DMXL1: variants seen among roughly 807,000 people sequenced by gnomAD.
DMXL1 encodes Dmx like 1.
DMXL1 carries 99 observed loss-of-function variants against 319.2 expected under a neutral mutation model. That is an observed-to-expected ratio of 0.31 (90% CI 0.26 to 0.37). The LOEUF (loss-of-function observed/expected upper bound fraction) is 0.37, where lower values mean the gene tolerates loss of function less well. Ranked by LOEUF, DMXL1 falls within the 10% of genes least tolerant of loss-of-function variation. DMXL1 has a pLI of 1.00. For missense variants in DMXL1, 3,745 were observed against 3,595.6 expected (o/e 1.04, Z -1.06); for synonymous variants, 1,385 against 1,235.2 (o/e 1.12, Z -2.54).
At chr5:119,152,292 G>T (rs1200976861) in intron 19 of DMXL1, among the ~76,000 whole-genome samples, 1 of 152,112 alleles carries the variant, frequency 6.6e-6, no homozygotes, top group East Asian at 1.9e-4. Context: ...TGCATGATAT[G>T]TTCAAGGCAA....
In DMXL1 at chr5:119,170,582, G is replaced by A. The variant is rs749113480; in HGVS notation, c.5791G>A (p.Gly1931Ser). 1 of 1,613,784 alleles carries A rather than the reference G, an allele frequency of 6.2e-7. No homozygotes were observed. The highest frequency in any genetic ancestry group is 1.7e-5 in the Admixed American group (1 of 59,984). The change falls in exon 24 of 44, where the codon GGT becomes AGT. Residue 1931 changes from glycine (G) to serine (S), a missense_variant. By Grantham distance (56) the Gly-to-Ser change is moderately conservative (BLOSUM62 0). Transcript: ENST00000539542. ...TGATTGGTCACAGTCACTGATAAAT[G>A]GTTTTGGATCTTCTTCAGAGGGTTC... Reference protein sequence around the residue: ...AVDWSQSLINGFGSSSEGSSE... With the variant: ...AVDWSQSLINSFGSSSEGSSE...
chr5:119,118,754 G>C (rs957384842), intron 7 of DMXL1, 61 bp from the exon 8 acceptor site: 3 of 1,287,846 alleles, frequency 2.3e-6, no homozygotes, highest in Non-Finnish European at 3.2e-6. Context: ...AAACATCGTA[G>C]AATTTCTGTG....
chr5:119,074,973 A>G (rs1281775047), intron 1 of DMXL1, among the ~76,000 whole-genome samples: 3 of 152,192 alleles, frequency 2.0e-5, no homozygotes, highest in Non-Finnish European at 4.4e-5. Flanking sequence ...AGTATTATTC[A>G]TAGAGTTGCT....
intron 19 of DMXL1, chr5:119,154,552 C>T: frequency 6.3e-6 from 1 of 159,454 alleles, no homozygotes; most frequent in Non-Finnish European, 1.4e-5. Context: ...GAGGAAGCTG[C>T]ACAATTAAAG....
chr5:119,149,305 T>A lies in DMXL1; in HGVS notation c.3478T>A (p.Ser1160Thr). The A allele has an allele frequency of 6.2e-7, 1 of 1,613,948 alleles. No individual in the cohort carries two copies. The highest frequency in any genetic ancestry group is 8.5e-7 in the Non-Finnish European group (1 of 1,179,898). ...GSHILTVGIGSKLFMYGPLAG... is the reference protein window; with the variant it reads ...GSHILTVGIGTKLFMYGPLAG... ...TCATATCCTGACTGTAGGAATTGGA[T>A]CAAAACTTTTTATGTATGGACCCCT... The change falls in exon 18 of 44, where the codon TCA (serine) becomes ACA (threonine). Residue 1160 changes from serine to threonine, a missense_variant. Physicochemically the swap from Ser to Thr is moderately conservative, Grantham distance 58 (BLOSUM62 1). This residue lies in a region of DMXL1 where 2,096 missense variants were observed against 1,985.4 expected (regional missense o/e 1.06). Coordinates refer to ENST00000539542, the MANE Select transcript of DMXL1 (RefSeq NM_001290321.3).
Position 119,193,974 on chromosome 5 carries a change from T to G in DMXL1, c.7457+4T>G. 6.6e-7 allele frequency: 1 copy of G among 1,518,592 alleles called. No individual in the cohort carries two copies. Among genetic ancestry groups the G allele is most frequent in the South Asian group, 1.3e-5 (1 of 75,944 alleles). The allele number at this position is 1,518,592 out of a possible 1,614,324, so 94.1% of individuals were successfully genotyped here. On this transcript the variant is annotated splice_donor_region_variant and intron_variant, in intron 30 of 43. Transcript: ENST00000539542. ...ATTCTAATTCAAATTCATATAGGTA[T>G]GGTATATTTTATTTTAAATTTCTTT...
At chr5:119,117,981 T>C (rs915249268) in intron 7 of DMXL1, among the ~76,000 whole-genome samples, 2 of 152,262 alleles carry the variant, frequency 1.3e-5, no homozygotes, top group Admixed American at 1.3e-4. Context: ...CAAAATATTG[T>C]GACTTTTTCT....
chr5:119,243,135 T>C (rs1028005741), intron 42 of DMXL1, among the ~76,000 whole-genome samples: 4 of 152,232 alleles, frequency 2.6e-5, no homozygotes, highest in Admixed American at 2.6e-4. Flanking sequence ...GTTACACAGA[T>C]GTATTCATTT....
At chr5:119,141,536 A>G (rs1460508897) in intron 13 of DMXL1, among the ~76,000 whole-genome samples, 2 of 152,198 alleles carry the variant, frequency 1.3e-5, no homozygotes, top group African/African-American at 4.8e-5. Context: ...CTAGGAATAC[A>G]GCTATCCAGG....
Position 119,170,732 on chromosome 5 carries a change from A to G in DMXL1, c.5941A>G (p.Ile1981Val), listed in dbSNP as rs1472257434. 9 of 1,612,920 alleles carry G rather than the reference A, an allele frequency of 5.6e-6. No individual in the cohort carries two copies. Among genetic ancestry groups the G allele is most frequent in the Non-Finnish European group, 7.6e-6 (9 of 1,179,786 alleles). Reference sequence around the variant, plus strand: ...TGATGAAGAAAATGAGGATGTCCCTATTTCAATGAAAGAACTAAAACCTTT... The same window carrying G: ...TGATGAAGAAAATGAGGATGTCCCTGTTTCAATGAAAGAACTAAAACCTTT... Reference protein sequence around the residue: ...DNDEENEDVPISMKELKPLQR... With the variant: ...DNDEENEDVPVSMKELKPLQR... The change falls in exon 24 of 44, where the codon ATT (isoleucine) becomes GTT (valine). Residue 1981 changes from isoleucine to valine, a missense_variant. By Grantham distance (29) the Ile-to-Val change is conservative (BLOSUM62 3). Coordinates refer to ENST00000539542, the MANE Select transcript of DMXL1 (RefSeq NM_001290321.3).
chr5:119,131,993 A>G (rs1413484453), intron 10 of DMXL1, among the ~76,000 whole-genome samples: 1 of 152,228 alleles, frequency 6.6e-6, no homozygotes, highest in East Asian at 1.9e-4. Context: ...TACTTCTTCA[A>G]AATAAAAAGA....
intron 13 of DMXL1, among the ~76,000 whole-genome samples, chr5:119,135,329 A>G (rs1465958282): frequency 6.6e-6 from 1 of 150,912 alleles, no homozygotes; most frequent in African/African-American, 2.4e-5. Flanking sequence ...TACTATGGAT[A>G]GAAACAGTGT....
In DMXL1 at chr5:119,170,965, A is replaced by C. The variant is rs116143127; in HGVS notation, c.6174A>C (p.Gln2058His). The C allele has an allele frequency of 9.3e-6, 15 of 1,613,822 alleles. No individual in the cohort carries two copies. The highest frequency in any genetic ancestry group is 5.3e-5 in the African/African-American group (4 of 74,972). ...TAGATGGTGGAAAATTGCGTTACCA[A>C]CTATACCACTGGCTTGAAAAAGAGG... ...YEIDGGKLRY[Q>H]LYHWLEKEVI... is the part of the protein sequence containing the mutation. Residue 2058 changes from glutamine (Q) to histidine (H), a missense_variant, in exon 24 of 44, where the codon CAA becomes CAC. This residue lies in a region of DMXL1 where 1,382 missense variants were observed against 1,269.5 expected (regional missense o/e 1.09). Coordinates refer to ENST00000539542, the MANE Select transcript of DMXL1 (RefSeq NM_001290321.3).
intron 6 of DMXL1, 48 bp downstream of exon 6, chr5:119,114,589 T>A: frequency 7.9e-7 from 1 of 1,261,662 alleles, no homozygotes; most frequent in Non-Finnish European, 1.1e-6. Flanking sequence ...ATAGTTTACT[T>A]TGAAACTTTA....
At chr5:119,220,681 G>A in intron 36 of DMXL1, 88 bp downstream of exon 36, 1 of 1,484,614 alleles carries the variant, frequency 6.7e-7, no homozygotes, top group Non-Finnish European at 9.1e-7. Flanking sequence ...ATTCTTTAAA[G>A]CAATGTATAG....
At chr5:119,196,590 T>C (rs568736698) in intron 31 of DMXL1, 134 bp downstream of exon 31, 57 of 651,102 alleles carry the variant, frequency 8.8e-5, no homozygotes, top group Non-Finnish European at 1.4e-4. Flanking sequence ...TAGATTTCTT[T>C]TAACTAAACC....
intron 2 of DMXL1, among the ~76,000 whole-genome samples, chr5:119,098,723 G>A (rs994734369): frequency 6.6e-6 from 1 of 152,146 alleles, no homozygotes; most frequent in Non-Finnish European, 1.5e-5. Context: ...ACCAGAATGA[G>A]AAAGTCATAC....
At chr5:119,086,196 CA>C (rs758180970) in intron 1 of DMXL1, among the ~76,000 whole-genome samples, 1 of 152,080 alleles carries the variant, frequency 6.6e-6, no homozygotes, top group Non-Finnish European at 1.5e-5. Flanking sequence ...CTTATGAAAC[CA>C]TCAGATCTCG....
At chr5:119,073,271 AG>A (rs1268527826) in intron 1 of DMXL1, among the ~76,000 whole-genome samples, 2 of 152,170 alleles carry the variant, frequency 1.3e-5, no homozygotes, top group African/African-American at 4.8e-5. Flanking sequence ...TATGTTGCCC[AG>A]GCTGGTCTTG....
Sources: gnomAD v4.1 joint callset for allele counts (sites outside exome capture counted in the v4.1 genomes callset) on GRCh38, gnomAD v4.1.1 for gene constraint, gnomAD v4.1.1 regional missense constraint, MANE v1.5 for transcripts, NCBI Gene and HGNC (gene_info 2026-07-23, HGNC 2026-07-21) for gene names.